DNAH17: variants seen among roughly 807,000 people sequenced by gnomAD.
The protein encoded by DNAH17 is dynein axonemal heavy chain 17, also known as axonemal beta dynein heavy chain 17.
In DNAH17, 376 loss-of-function variants were observed where a neutral mutation model predicts 485.6. That is an observed-to-expected ratio of 0.77 (90% CI 0.71 to 0.84). The LOEUF (loss-of-function observed/expected upper bound fraction) is 0.84. DNAH17 is among the 40% of genes least tolerant of loss of function. The probability of loss-of-function intolerance (pLI) is 0.00; values close to 1 mark genes in which losing one functional copy is unlikely to be tolerated. For missense variants in DNAH17, 6,370 were observed against 5,839.3 expected, an observed-to-expected ratio of 1.09 and a Z score of -2.96; for synonymous variants, 3,031 against 2,405.9, an observed-to-expected ratio of 1.26 and a Z score of -7.60.
At position 78,437,773 on chromosome 17, in the gene DNAH17, G is replaced by A. The variant is rs754002719; in HGVS notation, c.11901C>T (p.Ser3967=). ...GSHEDYRVFI[S]AEPAPSPETH... ...TCTCGGGGCTGGGGGCAGGCTCCGC[G>A]CTGATGAACACCCGGTAGTCCTCAT... Residue 3967 remains serine (S), a synonymous_variant, in exon 74 of 81, where the codon AGC becomes AGT. Coordinates refer to ENST00000389840, the MANE Select transcript of DNAH17 (RefSeq NM_173628.4). 1.4e-5 allele frequency: 23 copies of A among 1,612,432 alleles called. No individual in the cohort carries two copies. The highest frequency in any genetic ancestry group is 2.2e-5 in the South Asian group (2 of 91,084).
intron 37 of DNAH17, among the ~76,000 whole-genome samples, chr17:78,497,339 G>A (rs1014997332): frequency 6.6e-6 from 1 of 152,092 alleles, no homozygotes; most frequent in Non-Finnish European, 1.5e-5. Flanking sequence ...TCTTCCCCAG[G>A]ACAGCCAAGT....
At position 78,450,828 on chromosome 17, in the gene DNAH17, G is replaced by A; in HGVS notation, c.10753C>T (p.Gln3585Ter). The A allele has an allele frequency of 6.2e-7, 1 of 1,614,004 alleles. No individual in the cohort carries two copies. Among genetic ancestry groups the A allele is most frequent in the Non-Finnish European group, 8.5e-7 (1 of 1,179,904 alleles). The stretch of plus-strand genomic sequence containing the variant: ...TTCAGAACAATCTTAAATTCGTTTT[G>A]AGACTTGGTGAGGTTTGCCTGCAAG... ...EQLKANLTKS[Q>*]NEFKIVLKEL... Residue 3585 changes from glutamine to a stop codon, truncating the protein, a stop_gained, in exon 67 of 81, where the codon CAA becomes TAA. Transcript: ENST00000389840. LOFTEE classifies it high-confidence loss of function.
chr17:78,472,299 T>G (rs2088794559), intron 54 of DNAH17, among the ~76,000 whole-genome samples: 3 of 140,192 alleles, frequency 2.1e-5, no homozygotes, highest in Admixed American at 1.4e-4. Context: ...GGTTAGGGAG[T>G]GGGGGTGCGA....
Position 78,424,158 on chromosome 17 carries a change from AG to A in DNAH17, c.13142-6del. On this transcript the variant is annotated splice_polypyrimidine_tract_variant and splice_region_variant and intron_variant, in intron 80 of 80. Transcript: ENST00000389840. ...TCTGGGTGTCCCAGCGAGCCCCTGCAGGGACAGTATGGCTGAGGGTCAGGTG... is the reference window on the plus strand; with the variant it reads ...TCTGGGTGTCCCAGCGAGCCCCTGCAGGACAGTATGGCTGAGGGTCAGGTG... 1 of 1,607,728 alleles carries A rather than the reference AG, an allele frequency of 6.2e-7. No homozygotes were observed. The highest frequency in any genetic ancestry group is 8.5e-7 in the Non-Finnish European group (1 of 1,177,402).
intron 25 of DNAH17, among the ~76,000 whole-genome samples, chr17:78,521,321 G>C (rs1417609790): frequency 6.6e-6 from 1 of 151,984 alleles, no homozygotes; most frequent in Non-Finnish European, 1.5e-5. Flanking sequence ...CAGGAGAATC[G>C]CTTGAACCGG....
At chr17:78,494,315 G>A (rs761310900) in intron 40 of DNAH17, 142 bp from the exon 41 acceptor site, 118 of 1,272,244 alleles carry the variant, frequency 9.3e-5, no homozygotes, top group Non-Finnish European at 1.1e-4. Context: ...TGCAAGTTCT[G>A]CTGTCAATGC....
Position 78,543,287 on chromosome 17 carries a change from G to GTATTTTTTTTTTTTTTTTTTTTTTTTTTT in DNAH17, c.2532+569_2532+570insAAAAAAAAAAAAAAAAAAAAAAAAAAATA, listed in dbSNP as rs1200669389. On this transcript the variant is annotated intron_variant, in intron 17 of 80. Coordinates refer to ENST00000389840, the MANE Select transcript of DNAH17 (RefSeq NM_173628.4). Reference sequence around the variant, plus strand: ...GTGCCAACGTGCCCGGTTAATTTTTGTTTTTTTTTTTTTTGAGACGGAGTC... The same window carrying GTATTTTTTTTTTTTTTTTTTTTTTTTTTT: ...GTGCCAACGTGCCCGGTTAATTTTTGTATTTTTTTTTTTTTTTTTTTTTTTTTTTTTTTTTTTTTTTTTGAGACGGAGTC... 5.7e-5 allele frequency among the ~76,000 whole-genome samples: 8 copies of GTATTTTTTTTTTTTTTTTTTTTTTTTTTT among 139,272 alleles called. 1 individual carries two copies. Among genetic ancestry groups the GTATTTTTTTTTTTTTTTTTTTTTTTTTTT allele is most frequent in the African/African-American group, 2.2e-4 (8 of 36,718 alleles). The allele number at this position is 139,272 out of a possible 152,430, so 91.4% of individuals were successfully genotyped here.
chr17:78,536,993 G>T (rs963382490), intron 19 of DNAH17, among the ~76,000 whole-genome samples: 27 of 151,964 alleles, frequency 1.8e-4, no homozygotes, highest in African/African-American at 6.5e-4. Flanking sequence ...GGCTAACACG[G>T]TTAAACCCAG....
At chr17:78,545,730 G>T (rs112764464) in intron 16 of DNAH17, among the ~76,000 whole-genome samples, 13 of 151,924 alleles carry the variant, frequency 8.6e-5, no homozygotes, top group Non-Finnish European at 1.9e-4. Context: ...TTACATTTGC[G>T]TTCTGCCCAT....
rs757161991 is a variant in DNAH17 at position 78,530,434 on chromosome 17, C to T, written c.3193G>A (p.Asp1065Asn). The T allele has an allele frequency of 2.9e-5, 46 of 1,613,502 alleles. No homozygotes were observed. The highest frequency in any genetic ancestry group is 8.9e-5 in the East Asian group (4 of 44,892). Reference sequence around the variant, plus strand: ...AGGGCCTGCTTGAAGGGGCGGCAGTCGCACTGCAGCCAGCCGTGGAACACC... The same window carrying T: ...AGGGCCTGCTTGAAGGGGCGGCAGTTGCACTGCAGCCAGCCGTGGAACACC... The part of the protein sequence containing the change: ...TKVFHGWLQC[D>N]CRPFKQALLS... The change falls in exon 21 of 81, where the codon GAC becomes AAC. Residue 1065 changes from aspartate (D) to asparagine (N), a missense_variant. Transcript: ENST00000389840.
rs559100844 is a variant in DNAH17 at position 78,575,121 on chromosome 17, G to A, written c.-25-39C>T. ...AAGAAACAGGTACGAACTGTCTCCC[G>A]GGCTCCCCAATTTCCCACCCATCCC... On this transcript the variant is annotated intron_variant, in intron 1 of 80. Transcript: ENST00000389840. The A allele has an allele frequency of 3.4e-5, 46 of 1,364,448 alleles. No homozygotes were observed. In the African/African-American group the frequency reaches 3.5e-4, roughly 10 times the overall value. The allele number at this position is 1,364,448 out of a possible 1,614,324, so 84.5% of individuals were successfully genotyped here. A position where few individuals can be genotyped will look rare whatever the true frequency, so the allele number is the denominator to read the frequency against.
chr17:78,569,649 C>G (rs2092321364), intron 7 of DNAH17, 122 bp from the exon 8 acceptor site: 1 of 1,265,234 alleles, frequency 7.9e-7, no homozygotes. Context: ...ATAACCCCTC[C>G]TATCTGCCCA....
intron 25 of DNAH17, among the ~76,000 whole-genome samples, chr17:78,519,611 T>C (rs1487508819): frequency 1.3e-5 from 2 of 152,242 alleles, no homozygotes; most frequent in East Asian, 1.9e-4. Context: ...ATACCACTGC[T>C]GAGCTTGCAG....
intron 16 of DNAH17, among the ~76,000 whole-genome samples, chr17:78,544,999 C>A (rs1238686319): frequency 6.6e-6 from 1 of 152,028 alleles, no homozygotes; most frequent in African/African-American, 2.4e-5. Context: ...TCCATCCCAT[C>A]CCCCACTGGA....
chr17:78,501,978 T>A (rs2090312027), intron 33 of DNAH17, 105 bp from the exon 34 acceptor site: 1 of 1,506,012 alleles, frequency 6.6e-7, no homozygotes, highest in Non-Finnish European at 9.0e-7. Flanking sequence ...ACCATGCTTT[T>A]GTTTACAGTA....
At position 78,426,654 on chromosome 17, in the gene DNAH17, ACCAGCCCC is replaced by A. The variant is rs772203100; in HGVS notation, c.12772-62_12772-55del. 3 of 1,543,494 alleles carry A rather than the reference ACCAGCCCC, an allele frequency of 1.9e-6. No homozygotes were observed. In the East Asian group the frequency reaches 6.8e-5, roughly 35 times the overall value. On this transcript the variant is annotated intron_variant, in intron 78 of 80. Transcript: ENST00000389840. ...GCCCTGAGCTGGGGCCTGGGAGAGC[ACCAGCCCC>A]AGTGCGTGTCATGAGTTGTCAACAC...
In DNAH17 at chr17:78,470,525, C is replaced by T. The variant is rs140778421; in HGVS notation, c.8512-1642G>A. Among the ~76,000 whole-genome samples, 1,114 of 151,920 alleles carry T rather than the reference C, an allele frequency of 7.3e-3. 13 individuals are homozygous for T. The highest frequency in any genetic ancestry group is 0.025 in the African/African-American group (1,054 of 41,486). ...CCAACATGGTGAAACCCCATCTCTACAAAAAATACAACAATTAGCCAGGCG... is the reference window on the plus strand; with the variant it reads ...CCAACATGGTGAAACCCCATCTCTATAAAAAATACAACAATTAGCCAGGCG... On this transcript the variant is annotated intron_variant, in intron 54 of 80. Coordinates refer to ENST00000389840, the MANE Select transcript of DNAH17 (RefSeq NM_173628.4).
chr17:78,491,298 C>T lies in DNAH17; in HGVS notation c.6669+145G>A, dbSNP rs144674157. 2.3e-3 allele frequency: 2,811 copies of T among 1,228,478 alleles called. 4 individuals carry two copies. Among genetic ancestry groups the T allele is most frequent in the Non-Finnish European group, 2.4e-3 (2,155 of 895,104 alleles). The allele number at this position is 1,228,478 out of a possible 1,614,324, so 76.1% of individuals were successfully genotyped here. A position where few individuals can be genotyped will look rare whatever the true frequency, so the allele number is the denominator to read the frequency against. On this transcript the variant is annotated intron_variant, in intron 43 of 80. Coordinates refer to ENST00000389840, the MANE Select transcript of DNAH17 (RefSeq NM_173628.4). ...AAGTCTCACGACAAGGTGCCCCTCA[C>T]TCATAGCTTCCTGTGGAGATCCAGA... is the stretch of plus-strand genomic sequence containing the variant.
rs914138647 is a variant in DNAH17, at chr17:78,570,242, G to A, written c.1044+5C>T. On this transcript the variant is annotated splice_donor_5th_base_variant and intron_variant, in intron 7 of 80. Transcript: ENST00000389840. ...AAGGGGACCCAGGGGCCAGGGGAGG[G>A]TTACCATCTCGATGATTTGGTTGCA... 3.8e-6 allele frequency: 6 copies of A among 1,577,800 alleles called. No individual in the cohort carries two copies. In the African/African-American group the frequency reaches 5.4e-5, roughly 14 times the overall value.
Sources: allele counts gnomAD v4.1 joint callset (sites outside exome capture counted in the v4.1 genomes callset), GRCh38; gene constraint gnomAD v4.1.1; transcripts MANE v1.5; gene names NCBI Gene and HGNC (gene_info 2026-07-23, HGNC 2026-07-21).